Variants in SEC31A observed in about 807,000 individuals in gnomAD.
SEC31A encodes the protein protein transport protein Sec31A.
In SEC31A, 70 loss-of-function variants were observed where a neutral mutation model predicts 151.0. The ratio of observed to expected loss-of-function variants is 0.46; its 90% confidence interval spans 0.38 to 0.57. SEC31A has a LOEUF of 0.57. SEC31A is among the 20% of genes least tolerant of loss of function. The pLI is 0.00. For synonymous variants in SEC31A, 475 were observed against 505.9 expected (o/e 0.94, Z 0.82); for missense variants, 1,330 against 1,471.2 (o/e 0.90, Z 1.57).
At chr4:82,824,021 A>C (rs927832087) in intron 25 of SEC31A, among the ~76,000 whole-genome samples, 5 of 152,202 alleles carry the variant, frequency 3.3e-5, no homozygotes, top group African/African-American at 9.7e-5. Flanking sequence ...TGACAAATCT[A>C]TCTGCCATAG....
At chr4:82,835,892 C>G (rs1385038272) in intron 22 of SEC31A, among the ~76,000 whole-genome samples, 1 of 152,134 alleles carries the variant, frequency 6.6e-6, no homozygotes, top group South Asian at 2.1e-4. Context: ...CTACTTCAAA[C>G]CCATTAGGAT....
At chr4:82,886,554 T>TG (rs1052772757) in intron 1 of SEC31A, among the ~76,000 whole-genome samples, 6 of 152,188 alleles carry the variant, frequency 3.9e-5, no homozygotes, top group African/African-American at 1.4e-4. Flanking sequence ...CAGGGTTATT[T>TG]GGGGGGAAAA....
intron 18 of SEC31A, 30 bp from the exon 19 acceptor site, chr4:82,851,634 A>G: frequency 6.3e-7 from 1 of 1,577,636 alleles, no homozygotes; most frequent in Non-Finnish European, 8.7e-7. Flanking sequence ...AACAAACAGA[A>G]ATATCAAGAC....
chr4:82,894,977 T>C (rs1720000884), upstream of SEC31A: 1 of 152,236 alleles, frequency 6.6e-6, no homozygotes, highest in Non-Finnish European at 1.5e-5. Flanking sequence ...TTTCTTAAAT[T>C]TGAGAAACAA....
At chr4:82,827,272 TTAA>T (rs1170345869) in intron 24 of SEC31A, 94 bp downstream of exon 24, 9 of 1,340,158 alleles carry the variant, frequency 6.7e-6, no homozygotes, top group Admixed American at 4.4e-5. Flanking sequence ...GTCTAGATGT[TTAA>T]TAATAATCAT....
chr4:82,864,085 G>C (rs529334279), intron 11 of SEC31A, among the ~76,000 whole-genome samples: 1 of 151,778 alleles, frequency 6.6e-6, no homozygotes, highest in Admixed American at 6.6e-5. Flanking sequence ...CTTCAAAATA[G>C]GTGTGCTGAC....
chr4:82,819,512 C>T (rs183622531), intron 26 of SEC31A, among the ~76,000 whole-genome samples: 31 of 152,174 alleles, frequency 2.0e-4, no homozygotes, highest in Admixed American at 1.0e-3. Context: ...AGAAAAGCAG[C>T]CCGATTTCCT....
rs899449375 is a variant in SEC31A, at chr4:82,819,024, C to A, written c.*50G>T. ...CATGTCTTATAATTTTTTTTTTTAACATGTTTCTTTGGAAAAATGGCAATA... is the reference window on the plus strand; with the variant it reads ...CATGTCTTATAATTTTTTTTTTTAAAATGTTTCTTTGGAAAAATGGCAATA... On this transcript the variant is annotated 3_prime_UTR_variant, in exon 27 of 27. Transcript: ENST00000395310. The A allele has an allele frequency of 1.3e-6, 2 of 1,482,484 alleles. No homozygotes were observed. Among genetic ancestry groups the A allele is most frequent in the Admixed American group, 4.5e-5 (2 of 44,800 alleles). The allele number at this position is 1,482,484 out of a possible 1,614,324, so 91.8% of individuals were successfully genotyped here.
At chr4:82,896,971 C>A (rs1720090516) in intron 3 of SEC31A, among the ~76,000 whole-genome samples, 1 of 152,148 alleles carries the variant, frequency 6.6e-6, no homozygotes, top group Non-Finnish European at 1.5e-5. Flanking sequence ...TTCTACTCCT[C>A]ATCAGCAAAA....
In SEC31A at chr4:82,848,858, T is replaced by C. The variant is rs756889677; in HGVS notation, c.2448A>G (p.Pro816=). 2.5e-6 allele frequency: 4 copies of C among 1,614,016 alleles called. No homozygotes were observed. The highest frequency in any genetic ancestry group is 8.5e-7 in the Non-Finnish European group (1 of 1,179,972). The change falls in exon 20 of 27, where the codon CCA becomes CCG. Residue 816 remains proline, a synonymous_variant. Coordinates refer to ENST00000395310, the MANE Select transcript of SEC31A (RefSeq NM_001077207.4). ...TTGGCATCTGGTGGTGGCCAGCAACTGGTCCAGGCCTGCCCTTGGGGAGCT... is the reference window on the plus strand; with the variant it reads ...TTGGCATCTGGTGGTGGCCAGCAACCGGTCCAGGCCTGCCCTTGGGGAGCT... ...KQQLPKGRPG[P]VAGHHQMPRV...
chr4:82,843,162 G>C (rs976001486), intron 21 of SEC31A, among the ~76,000 whole-genome samples: 2 of 146,510 alleles, frequency 1.4e-5, no homozygotes, highest in Non-Finnish European at 3.0e-5. Context: ...ACAGGGTCTT[G>C]CTGTGTCACC....
intron 21 of SEC31A, 49 bp downstream of exon 21, chr4:82,844,337 T>C (rs771391181): frequency 1.3e-6 from 2 of 1,584,274 alleles, no homozygotes; most frequent in Non-Finnish European, 1.7e-6. Flanking sequence ...AGTTACTAAA[T>C]TAGATCATAA....
intron 22 of SEC31A, among the ~76,000 whole-genome samples, 177 bp downstream of exon 22, chr4:82,841,963 C>T (rs1444120235): frequency 6.6e-6 from 1 of 151,412 alleles, no homozygotes; most frequent in Non-Finnish European, 1.5e-5. Flanking sequence ...CAGAGAGAGA[C>T]TCCATCACAA....
intron 26 of SEC31A, 84 bp from the exon 27 acceptor site, chr4:82,819,337 T>C: frequency 9.9e-7 from 1 of 1,009,834 alleles, no homozygotes; most frequent in Non-Finnish European, 1.4e-6. Flanking sequence ...AACCCAGATA[T>C]TTAAGTGGAA....
intron 22 of SEC31A, among the ~76,000 whole-genome samples, chr4:82,837,002 T>G (rs1364628010): frequency 6.6e-6 from 1 of 151,616 alleles, no homozygotes. Flanking sequence ...CATTATGCAT[T>G]GTATACCTGT....
At chr4:82,824,921 T>C (rs1429352899) in intron 24 of SEC31A, among the ~76,000 whole-genome samples, 5 of 152,192 alleles carry the variant, frequency 3.3e-5, no homozygotes, top group African/African-American at 1.2e-4. Context: ...AAGTAGTTGA[T>C]TAATTTAGGT....
chr4:82,833,974 TG>T, intron 22 of SEC31A, among the ~76,000 whole-genome samples: 1 of 152,318 alleles, frequency 6.6e-6, no homozygotes, highest in Middle Eastern at 3.4e-3. Context: ...TACTGACAGA[TG>T]TTTTTCATAC....
At chr4:82,882,401 CAAAAAAAAAAAAAAAAAAAAA>C (rs57974382) in intron 1 of SEC31A, among the ~76,000 whole-genome samples, 1 of 92,492 alleles carries the variant, frequency 1.1e-5, no homozygotes, top group Admixed American at 1.1e-4. Context: ...GACTCTATCT[CAAAAAAAAAAAAAAAAAAAAA>C]AAAAAAAAAA....
At chr4:82,874,984 T>C (rs1737588156) in intron 5 of SEC31A, among the ~76,000 whole-genome samples, 1 of 152,218 alleles carries the variant, frequency 6.6e-6, no homozygotes. Context: ...TAATATCTCA[T>C]TCAACAAGAA....
Sources: allele counts gnomAD v4.1 joint callset (sites outside exome capture counted in the v4.1 genomes callset), GRCh38; gene constraint gnomAD v4.1.1; transcripts MANE v1.5; gene names NCBI Gene and HGNC (gene_info 2026-07-23, HGNC 2026-07-21).